ZNF665: variants seen among roughly 807,000 people sequenced by gnomAD.
ZNF665 encodes zinc finger protein 665.
Under a neutral mutation model 7.9 loss-of-function variants are expected in ZNF665, and 6 were observed. That is an observed-to-expected ratio of 0.76 (90% CI 0.42 to 1.50). The LOEUF is 1.50. Among genes scored for constraint, ZNF665 ranks in the 40% most tolerant of loss-of-function variants. The pLI, the probability that ZNF665 is intolerant of heterozygous loss-of-function variation, is 0.01. For missense variants in ZNF665, 819 were observed against 806.7 expected, an observed-to-expected ratio of 1.02 and a Z score of -0.18; for synonymous variants, 242 against 274.5, an observed-to-expected ratio of 0.88 and a Z score of 1.17.
At chr19:53,192,445 C>CT (rs553737781) in intron 1 of ZNF665, among the ~76,000 whole-genome samples, 3 of 152,216 alleles carry the variant, frequency 2.0e-5, no homozygotes, top group Non-Finnish European at 4.4e-5. Context: ...CCCTACCTTG[C>CT]TGTCCTTCAT....
intron 3 of ZNF665, among the ~76,000 whole-genome samples, chr19:53,167,752 T>C (rs1432352821): frequency 1.4e-5 from 2 of 147,148 alleles, no homozygotes; most frequent in Non-Finnish European, 3.0e-5. Context: ...GGCCAACAAT[T>C]TCTCTTGAGA....
intron 3 of ZNF665, among the ~76,000 whole-genome samples, chr19:53,169,332 T>G (rs2146845079): frequency 6.6e-6 from 1 of 152,194 alleles, no homozygotes; most frequent in Non-Finnish European, 1.5e-5. Context: ...AACATCATAG[T>G]CATTAGGAAA....
chr19:53,166,159 T>C lies in ZNF665; in HGVS notation c.331A>G (p.Thr111Ala). 1 of 1,613,944 alleles carries C rather than the reference T, an allele frequency of 6.2e-7. No homozygotes were observed. The highest frequency in any genetic ancestry group is 8.5e-7 in the Non-Finnish European group (1 of 1,179,886). ...TTTTCTTTTTGCAACATAAGTACTG[T>C]TTTATAATTTCCTTCATCATCTTTC... ...QWKDDEGNYK[T>A]VLMLQKENLP... is the part of the protein sequence containing the mutation. The change falls in exon 4 of 4, where the codon ACA becomes GCA. Residue 111 changes from threonine to alanine, a missense_variant. Coordinates refer to ENST00000396424, the MANE Select transcript of ZNF665 (RefSeq NM_024733.5).
Position 53,163,931 on chromosome 19 carries a change from G to C in ZNF665, c.*522C>G, listed in dbSNP as rs6509729. ...TCATCAAAGATGTATCTTTTGATGC[G>C]TATTGAGCTCTGAGACCTGGATAAA... On this transcript the variant is annotated 3_prime_UTR_variant, in exon 4 of 4. Coordinates refer to ENST00000396424, the MANE Select transcript of ZNF665 (RefSeq NM_024733.5). 0.96 allele frequency: 145,603 copies of C among 152,346 alleles called. 69,607 individuals are homozygous for C. The highest frequency in any genetic ancestry group is 0.97 in the South Asian group (4,677 of 4,820). The allele number at this position is 152,346 out of a possible 1,614,324, so 9.4% of individuals were successfully genotyped here. A position where few individuals can be genotyped will look rare whatever the true frequency, so the allele number is the denominator to read the frequency against.
intron 3 of ZNF665, among the ~76,000 whole-genome samples, chr19:53,171,063 C>T (rs1599874411): frequency 6.6e-6 from 1 of 152,146 alleles, no homozygotes; most frequent in South Asian, 2.1e-4. Flanking sequence ...CACCTCACTG[C>T]AACCTCCACC....
chr19:53,178,062 G>A (rs560259362), intron 2 of ZNF665, among the ~76,000 whole-genome samples: 10 of 152,276 alleles, frequency 6.6e-5, no homozygotes, highest in African/African-American at 1.9e-4. Context: ...GTAAGTAGGC[G>A]GTTTGGAATG....
chr19:53,182,643 T>C, intron 2 of ZNF665: 2 of 849,554 alleles, frequency 2.4e-6, no homozygotes, highest in South Asian at 1.4e-5. Flanking sequence ...CCCGTCTCCA[T>C]CCATGTCGGG....
intron 3 of ZNF665, among the ~76,000 whole-genome samples, chr19:53,170,308 T>C (rs1004550110): frequency 3.3e-5 from 5 of 152,166 alleles, no homozygotes; most frequent in African/African-American, 9.6e-5. Flanking sequence ...TATATATTTA[T>C]GGGGAAAAAA....
chr19:53,182,762 C>T (rs1278807175), intron 2 of ZNF665, 122 bp downstream of exon 2: 83 of 1,500,484 alleles, frequency 5.5e-5, no homozygotes, highest in South Asian at 3.0e-4. Context: ...AGGGAAGGCA[C>T]GAGTGAGTGC....
At position 53,165,206 on chromosome 19, in the gene ZNF665, TTTCTCTCCAGTATGAA is replaced by T; in HGVS notation, c.1268_1283del (p.Ile423AsnfsTer18). On this transcript the variant is annotated frameshift_variant, in exon 4 of 4. Coordinates refer to ENST00000396424, the MANE Select transcript of ZNF665 (RefSeq NM_024733.5). LOFTEE classifies it low-confidence loss of function (END_TRUNC). The stretch of plus-strand genomic sequence containing the variant: ...TGCCACACTCATCACACCTGTAAGG[TTTCTCTCCAGTATGAA>T]TTCTTCGATGATTTGCTAAGTGTGA... 1 of 1,612,536 alleles carries T rather than the reference TTTCTCTCCAGTATGAA, an allele frequency of 6.2e-7. No homozygotes were observed. The highest frequency in any genetic ancestry group is 8.5e-7 in the Non-Finnish European group (1 of 1,179,632).
chr19:53,168,662 G>A (rs2090635745), intron 3 of ZNF665, among the ~76,000 whole-genome samples: 1 of 152,132 alleles, frequency 6.6e-6, no homozygotes, highest in Non-Finnish European at 1.5e-5. Flanking sequence ...TGATAAAGAA[G>A]AAAGTTGTAA....
At chr19:53,184,956 C>G (rs1369742517) in intron 1 of ZNF665, among the ~76,000 whole-genome samples, 1 of 152,204 alleles carries the variant, frequency 6.6e-6, no homozygotes, top group African/African-American at 2.4e-5. Context: ...ACAGCTTACA[C>G]TATTATTTCT....
At chr19:53,185,163 A>G (rs1381811249) in intron 1 of ZNF665, among the ~76,000 whole-genome samples, 1 of 151,560 alleles carries the variant, frequency 6.6e-6, no homozygotes, top group Non-Finnish European at 1.5e-5. Flanking sequence ...GTGGAGGAGC[A>G]GAGTCTTCTC....
At chr19:53,168,054 TCA>T (rs1491403577) in intron 3 of ZNF665, among the ~76,000 whole-genome samples, 2 of 11,438 alleles carry the variant, frequency 1.7e-4, no homozygotes, top group Admixed American at 1.5e-3. Flanking sequence ...TGACTCCCTC[TCA>T]AAAAAAAAAA....
Position 53,165,143 on chromosome 19 carries a change from C to G in ZNF665, c.1347G>C (p.Gln449His). 3 of 1,614,038 alleles carry G rather than the reference C, an allele frequency of 1.9e-6. No homozygotes were observed. The highest frequency in any genetic ancestry group is 2.5e-6 in the Non-Finnish European group (3 of 1,180,006). ...AAGGCTTTTCTCCAGTATGAATTGCCTGATGGGTAGTTAGGCTTGATCGCA... is the reference window on the plus strand; with the variant it reads ...AAGGCTTTTCTCCAGTATGAATTGCGTGATGGGTAGTTAGGCTTGATCGCA... ...FSVRSSLTTH[Q>H]AIHTGEKPYK... The change falls in exon 4 of 4, where the codon CAG (glutamine) becomes CAC (histidine). Residue 449 changes from glutamine (Q) to histidine (H), a missense_variant. Gln to His is a conservative substitution (Grantham distance 24). Coordinates refer to ENST00000396424, the MANE Select transcript of ZNF665 (RefSeq NM_024733.5).
At position 53,185,723 on chromosome 19, in the gene ZNF665, C is replaced by T. The variant is rs374929177; in HGVS notation, c.-45-2780G>A. On this transcript the variant is annotated intron_variant, in intron 1 of 3. Coordinates refer to ENST00000396424, the MANE Select transcript of ZNF665 (RefSeq NM_024733.5). ...ATCAAGAGACACCAGAAGAGGAAAG[C>T]GTGACGTGATCAGCGAGGTATCAAA... Among the ~76,000 whole-genome samples the T allele has an allele frequency of 5.3e-5, 8 of 151,652 alleles. No homozygotes were observed. In the East Asian group the frequency reaches 1.4e-3, roughly 26 times the overall value.
At chr19:53,167,450 C>T (rs1024925999) in intron 3 of ZNF665, among the ~76,000 whole-genome samples, 2 of 131,844 alleles carry the variant, frequency 1.5e-5, no homozygotes, top group Non-Finnish European at 3.4e-5. Context: ...GGATTGTCAA[C>T]AATTTCTCTC....
At chr19:53,180,171 ACCT>A (rs1298397415) in intron 2 of ZNF665, among the ~76,000 whole-genome samples, 4 of 152,098 alleles carry the variant, frequency 2.6e-5, no homozygotes, top group Non-Finnish European at 5.9e-5. Context: ...GGTGGCTCAC[ACCT>A]GTAATCTCAG....
intron 1 of ZNF665, among the ~76,000 whole-genome samples, chr19:53,183,975 C>T (rs533206520): frequency 4.6e-5 from 7 of 152,260 alleles, no homozygotes; most frequent in South Asian, 2.1e-4. Context: ...TTAAGCTGGG[C>T]GCAGTGGCTC....
Sources: allele counts gnomAD v4.1 joint callset (sites outside exome capture counted in the v4.1 genomes callset), GRCh38; gene constraint gnomAD v4.1.1; transcripts MANE v1.5; gene names NCBI Gene and HGNC (gene_info 2026-07-23, HGNC 2026-07-21).